Variants in STYX observed in about 807,000 individuals in gnomAD.
STYX encodes serine/threonine/tyrosine-interacting protein.
A neutral mutation model predicts 42.7 loss-of-function variants in STYX; 20 were observed. The ratio of observed to expected loss-of-function variants is 0.47; its 90% CI spans 0.33 to 0.68. The LOEUF is 0.68. Ranked by LOEUF, STYX falls within the 30% of genes least tolerant of loss-of-function variation. The probability of loss-of-function intolerance (pLI) is 0.02; values close to 1 mark genes in which losing one functional copy is unlikely to be tolerated. For synonymous variants in STYX, 78 were observed against 81.9 expected (o/e 0.95, Z 0.26); for missense variants, 226 against 268.5 (o/e 0.84, Z 1.11).
Position 52,730,391 on chromosome 14 carries a change from TC to T in STYX, c.-82del. ...AGCCCTCCGCTCCGCCGGCCCTCCTTCCTTCCGCCGCCGCAGCCAGCCCGAG... is the reference window on the plus strand; with the variant it reads ...AGCCCTCCGCTCCGCCGGCCCTCCTTCTTCCGCCGCCGCAGCCAGCCCGAG... On this transcript the variant is annotated 5_prime_UTR_variant, in exon 1 of 11. Coordinates refer to ENST00000354586, the MANE Select transcript of STYX (RefSeq NM_145251.4). The T allele has an allele frequency of 6.7e-7, 1 of 1,481,820 alleles. No homozygotes were observed. Among genetic ancestry groups the T allele is most frequent in the Non-Finnish European group, 9.3e-7 (1 of 1,075,728 alleles). 91.8% of individuals were successfully genotyped at this position (1,481,820 alleles called of 1,614,324 possible).
intron 9 of STYX, among the ~76,000 whole-genome samples, chr14:52,765,486 G>C (rs1344517372): frequency 6.6e-6 from 1 of 152,134 alleles, no homozygotes; most frequent in African/African-American, 2.4e-5. Flanking sequence ...CAAAGTGTTG[G>C]GATTACAGGT....
rs1880630358 is a variant in STYX, at chr14:52,730,210, G to A, written c.-265G>A. The A allele has an allele frequency of 1.1e-5, 6 of 529,622 alleles. No individual in the cohort carries two copies. In the East Asian group the frequency reaches 1.9e-4, roughly 17 times the overall value. 32.8% of individuals were successfully genotyped at this position (529,622 alleles called of 1,614,324 possible). ...GTGCTGGATCCTGGGCGGCCTGAGG[G>A]GTACGGAGACTCTGGGGGAGGGAGA... On this transcript the variant is annotated 5_prime_UTR_variant, in exon 1 of 11. Transcript: ENST00000354586.
At position 52,730,311 on chromosome 14, in the gene STYX, T is replaced by C; in HGVS notation, c.-164T>C. The C allele has an allele frequency of 1.6e-6, 1 of 644,202 alleles. No homozygotes were observed. Among genetic ancestry groups the C allele is most frequent in the Non-Finnish European group, 2.7e-6 (1 of 367,516 alleles). The allele number at this position is 644,202 out of a possible 1,614,324, so 39.9% of individuals were successfully genotyped here. On this transcript the variant is annotated 5_prime_UTR_variant, in exon 1 of 11. Coordinates refer to ENST00000354586, the MANE Select transcript of STYX (RefSeq NM_145251.4). ...GTCTTCGCCGCCGCCGCTGCTGGAG[T>C]CACTGGGACCCTGTAGTCTGCGTGT...
intron 1 of STYX, among the ~76,000 whole-genome samples, chr14:52,733,349 A>G (rs538275268): frequency 6.6e-6 from 1 of 151,986 alleles, no homozygotes; most frequent in Admixed American, 6.6e-5. Context: ...TCTTTTTTTT[A>G]TGCTACCAGA....
chr14:52,737,144 G>A (rs1880988697), intron 1 of STYX, among the ~76,000 whole-genome samples: 1 of 152,078 alleles, frequency 6.6e-6, no homozygotes, highest in Non-Finnish European at 1.5e-5. Context: ...ATCCTCAAAT[G>A]TATGAACATA....
chr14:52,731,543 T>G (rs995127006), intron 1 of STYX: 2 of 149,342 alleles, frequency 1.3e-5, no homozygotes, highest in African/African-American at 4.9e-5. Flanking sequence ...GTTCAAGCGA[T>G]TCTCCTGCCT....
intron 4 of STYX, among the ~76,000 whole-genome samples, chr14:52,753,547 T>C (rs1384033180): frequency 6.6e-6 from 1 of 152,146 alleles, no homozygotes; most frequent in Non-Finnish European, 1.5e-5. Flanking sequence ...GGAACCCCCA[T>C]GAATAACAAA....
intron 1 of STYX, among the ~76,000 whole-genome samples, chr14:52,743,921 AAGCGATCTTCCCACCTC>A (rs1373695964): frequency 2.0e-5 from 3 of 152,278 alleles, no homozygotes; most frequent in East Asian, 3.9e-4. Context: ...TCCCAGGCTC[AAGCGATCTTCCCACCTC>A]AGCCTCCTGT....
intron 4 of STYX, among the ~76,000 whole-genome samples, chr14:52,756,243 T>A (rs1380108002): frequency 1.3e-5 from 2 of 152,322 alleles, no homozygotes; most frequent in East Asian, 3.9e-4. Context: ...CTCGAATCCC[T>A]GGGCTCAAGT....
At chr14:52,732,091 GTTTTTTTTT>G (rs560828155) in intron 1 of STYX, among the ~76,000 whole-genome samples, 1 of 86,000 alleles carries the variant, frequency 1.2e-5, no homozygotes, top group Non-Finnish European at 2.4e-5. Context: ...TATACTCATG[GTTTTTTTTT>G]TTTTTTTTTT....
chr14:52,750,785 G>GTCCTGGATATTGCAGATAATCCAGTTGAA lies in STYX; in HGVS notation c.242+5_242+6insTCCTGGATATTGCAGATAATCCAGTTGAA. 6.6e-7 allele frequency: 1 copy of GTCCTGGATATTGCAGATAATCCAGTTGAA among 1,517,920 alleles called. No homozygotes were observed. The highest frequency in any genetic ancestry group is 9.0e-7 in the Non-Finnish European group (1 of 1,113,084). 94.0% of individuals were successfully genotyped at this position (1,517,920 alleles called of 1,614,324 possible). A position where few individuals can be genotyped will look rare whatever the true frequency, so the allele number is the denominator to read the frequency against. On this transcript the variant is annotated splice_donor_region_variant and intron_variant, in intron 4 of 10. Transcript: ENST00000354586. The stretch of plus-strand genomic sequence containing the variant: ...AAACTTTCAGCAGTTATTTAGGTAA[G>GTCCTGGATATTGCAGATAATCCAGTTGAA]AATTATTGCTATGATTTGTAAAACA...
At chr14:52,746,594 A>AACAG in intron 3 of STYX, 115 bp downstream of exon 3, 3 of 826,304 alleles carry the variant, frequency 3.6e-6, no homozygotes, top group Non-Finnish European at 3.7e-6. Flanking sequence ...ACTGTCTGTT[A>AACAG]ACAGTAATTG....
chr14:52,749,822 C>G (rs1881540500), intron 3 of STYX, among the ~76,000 whole-genome samples: 1 of 152,150 alleles, frequency 6.6e-6, no homozygotes, highest in South Asian at 2.1e-4. Context: ...CAAAGTGAAA[C>G]TTTTTGAGTG....
intron 3 of STYX, 109 bp from the exon 4 acceptor site, chr14:52,750,574 G>A: frequency 1.4e-6 from 1 of 706,560 alleles, no homozygotes; most frequent in South Asian, 1.9e-5. Flanking sequence ...CTTAAGCAGA[G>A]ATGTGGGTTC....
chr14:52,734,156 C>G (rs1423717886), intron 1 of STYX, among the ~76,000 whole-genome samples: 1 of 152,220 alleles, frequency 6.6e-6, no homozygotes, highest in Non-Finnish European at 1.5e-5. Flanking sequence ...CAGCCAATTT[C>G]CCGTCTACTG....
At chr14:52,746,909 T>C (rs1881416319) in intron 3 of STYX, among the ~76,000 whole-genome samples, 2 of 152,232 alleles carry the variant, frequency 1.3e-5, no homozygotes, top group Admixed American at 6.5e-5. Flanking sequence ...ACCTTAGTTC[T>C]GTTTTGCCAG....
intron 9 of STYX, among the ~76,000 whole-genome samples, chr14:52,766,736 T>G (rs567466325): frequency 3.3e-5 from 5 of 152,328 alleles, no homozygotes; most frequent in Middle Eastern, 3.4e-3. Context: ...CCCTTTTGGT[T>G]GTTCTGTTTC....
chr14:52,764,340 CCTA>C (rs1882215383), intron 9 of STYX, among the ~76,000 whole-genome samples: 1 of 152,086 alleles, frequency 6.6e-6, no homozygotes, highest in Non-Finnish European at 1.5e-5. Flanking sequence ...TATTGTGAAT[CCTA>C]CTCTTTCTGT....
chr14:52,735,100 C>A (rs562079662), intron 1 of STYX, among the ~76,000 whole-genome samples: 1 of 152,046 alleles, frequency 6.6e-6, no homozygotes, highest in Admixed American at 6.5e-5. Flanking sequence ...AGTGGTGCAG[C>A]TAGTTTCAAG....
Sources: gnomAD v4.1 joint callset for allele counts (sites outside exome capture counted in the v4.1 genomes callset) on GRCh38, gnomAD v4.1.1 for gene constraint, MANE v1.5 for transcripts, NCBI Gene and HGNC (gene_info 2026-07-23, HGNC 2026-07-21) for gene names.